Variants in CCDC57 observed in about 807,000 individuals in gnomAD.
CCDC57 encodes the protein coiled-coil domain containing 57.
Under a neutral mutation model 118.9 loss-of-function variants are expected in CCDC57, and 118 were observed. That is an observed-to-expected ratio of 0.99 (90% confidence interval 0.86 to 1.16). The LOEUF is 1.16. Among genes scored for constraint, CCDC57 ranks in the 50% most tolerant of loss-of-function variants. The pLI, the probability that CCDC57 is intolerant of heterozygous loss-of-function variation, is 0.00. For synonymous variants in CCDC57, 527 were observed against 532.9 expected (o/e 0.99, Z 0.15); for missense variants, 1,300 against 1,320.7 (o/e 0.98, Z 0.24).
chr17:82,172,740 C>T lies in CCDC57; in HGVS notation c.1627G>A (p.Glu543Lys). 1 of 1,606,106 alleles carries T rather than the reference C, an allele frequency of 6.2e-7. No individual in the cohort carries two copies. The highest frequency in any genetic ancestry group is 8.5e-7 in the Non-Finnish European group (1 of 1,176,448). Residue 543 changes from glutamate (E) to lysine (K), a missense_variant, in exon 12 of 20, where the codon GAG becomes AAG. Coordinates refer to ENST00000665763, the Ensembl canonical transcript of CCDC57. The surrounding 1 kb of genome is among the most constrained non-coding windows in gnomAD (Gnocchi z 5.2). ...GGAGGAATCTGATGGCTTAGAGCCTCCATTTCTTTCCTCATCTGGGCAATC... is the reference window on the plus strand; with the variant it reads ...GGAGGAATCTGATGGCTTAGAGCCTTCATTTCTTTCCTCATCTGGGCAATC...
At chr17:82,102,552 G>T (rs80293025) in intron 19 of CCDC57, among the ~76,000 whole-genome samples, 3,300 of 151,980 alleles carry the variant, frequency 0.022, 125 homozygotes, top group African/African-American at 0.074. Context: ...GAATGTGGGG[G>T]TTTTTTTTGG....
At chr17:82,117,241 A>G (rs952574274) in intron 19 of CCDC57, among the ~76,000 whole-genome samples, 1 of 151,732 alleles carries the variant, frequency 6.6e-6, no homozygotes, top group African/African-American at 2.4e-5. Flanking sequence ...AACCCCAACT[A>G]CTCCAGGGGC....
intron 1 of CCDC57, among the ~76,000 whole-genome samples, chr17:82,210,961 T>C (rs1388914817): frequency 7.9e-6 from 1 of 126,612 alleles, no homozygotes; most frequent in Non-Finnish European, 1.6e-5. Flanking sequence ...GCCACTGAAC[T>C]CCAGCCTGGG....
chr17:82,183,855 C>T (rs761347172), exon 9 of CCDC57: 2 of 1,613,046 alleles, frequency 1.2e-6, no homozygotes, highest in South Asian at 2.2e-5. Context: ...CTGAAGGTCT[C>T]TGGAGACCAT....
chr17:82,128,443 G>A, intron 18 of CCDC57, 50 bp downstream of exon 17: 1 of 1,359,504 alleles, frequency 7.4e-7, no homozygotes, highest in African/African-American at 1.5e-5. Flanking sequence ...CGGCTTCCCT[G>A]CTGGCCACAC....
chr17:82,198,091 GA>G (rs1460059227), intron 4 of CCDC57, among the ~76,000 whole-genome samples: 1 of 152,158 alleles, frequency 6.6e-6, no homozygotes, highest in Non-Finnish European at 1.5e-5. Context: ...CATGAGGAAA[GA>G]AAACAAGGAA....
chr17:82,112,183 A>C (rs900916141), intron 19 of CCDC57: 1 of 152,262 alleles, frequency 6.6e-6, no homozygotes, highest in African/African-American at 2.4e-5. Flanking sequence ...CAAGTTGACC[A>C]GGCTGGTTGT....
chr17:82,140,324 G>A (rs867753854), intron 16 of CCDC57, among the ~76,000 whole-genome samples: 2 of 152,278 alleles, frequency 1.3e-5, no homozygotes, highest in Middle Eastern at 3.4e-3. Flanking sequence ...CTGACCTCAT[G>A]ATCTGCCTGC....
At chr17:82,109,051 C>T (rs2035064982) in intron 19 of CCDC57, 1 of 152,232 alleles carries the variant, frequency 6.6e-6, no homozygotes, top group African/African-American at 2.4e-5. Context: ...CATAAACCTC[C>T]AAATACCTAC....
At chr17:82,189,638 T>C (rs1274007708) in intron 7 of CCDC57, among the ~76,000 whole-genome samples, 2 of 151,980 alleles carry the variant, frequency 1.3e-5, no homozygotes, top group Admixed American at 1.3e-4. Context: ...TCGCTTGAGG[T>C]CAGGAGTTCG....
chr17:82,113,411 A>G, intron 19 of CCDC57: 1 of 717,706 alleles, frequency 1.4e-6, no homozygotes, highest in Non-Finnish European at 2.6e-6. Flanking sequence ...CAATGGGACT[A>G]GAACGACAGG....
intron 4 of CCDC57, among the ~76,000 whole-genome samples, chr17:82,197,778 G>A (rs2048493270): frequency 6.6e-6 from 1 of 152,156 alleles, no homozygotes; most frequent in Non-Finnish European, 1.5e-5. Context: ...CGAAATGCAA[G>A]GAAGGGTGAA....
intron 19 of CCDC57, among the ~76,000 whole-genome samples, chr17:82,120,391 G>A (rs765156181): frequency 7.2e-5 from 11 of 152,160 alleles, no homozygotes; most frequent in Admixed American, 1.3e-4. Context: ...CTTCCTCTCC[G>A]TTTCTAGAAT....
chr17:82,151,276 CCCAGA>C (rs1457815391), intron 16 of CCDC57, among the ~76,000 whole-genome samples: 447 of 148,732 alleles, frequency 3.0e-3, no homozygotes, highest in Middle Eastern at 3.5e-3. Context: ...CTGACCCGCA[CCCAGA>C]ACCAGGCGCA....
intron 16 of CCDC57, among the ~76,000 whole-genome samples, chr17:82,150,244 C>A (rs75405766): frequency 0.031 from 1,570 of 50,302 alleles, 4 homozygotes; most frequent in East Asian, 0.21. Flanking sequence ...CAGAACCAGG[C>A]GCACACTCAG....
rs1419431850 is a variant in CCDC57, at chr17:82,184,023, GCGCGCGCGCACA to G, written c.1053-103_1053-92del. ...CCCCCCAGCAAATACACATGCGCGC[GCGCGCGCGCACA>G]CACACACACACACACACACACACAC... On this transcript the variant is annotated intron_variant, in intron 8 of 19. Transcript: ENST00000665763. 379 of 383,638 alleles carry G rather than the reference GCGCGCGCGCACA, an allele frequency of 9.9e-4. 1 individual carries two copies. The highest frequency in any genetic ancestry group is 8.3e-3 in the Admixed American group (164 of 19,732). The allele number at this position is 383,638 out of a possible 1,614,324, so 23.8% of individuals were successfully genotyped here. A position where few individuals can be genotyped will look rare whatever the true frequency, so the allele number is the denominator to read the frequency against.
intron 4 of CCDC57, 53 bp from the exon 4 acceptor site, chr17:82,195,417 C>T (rs1293601573): frequency 1.4e-6 from 2 of 1,412,030 alleles, no homozygotes; most frequent in Non-Finnish European, 2.0e-6. Flanking sequence ...AGCAAAGACC[C>T]CCACCCACGT....
At chr17:82,119,451 C>A (rs1394427186) in intron 19 of CCDC57, among the ~76,000 whole-genome samples, 1 of 151,730 alleles carries the variant, frequency 6.6e-6, no homozygotes, top group East Asian at 2.0e-4. Flanking sequence ...CCCCTGTGCA[C>A]CTACGGGTAC....
chr17:82,160,823 G>A (rs147058067), intron 14 of CCDC57, among the ~76,000 whole-genome samples: 2,097 of 141,686 alleles, frequency 0.015, 30 homozygotes, highest in Non-Finnish European at 0.023. Flanking sequence ...GCAGTCAGCC[G>A]AGATCACGCC....
Sources: gnomAD v4.1 joint callset for allele counts (sites outside exome capture counted in the v4.1 genomes callset) on GRCh38, gnomAD v4.1.1 for gene constraint, Gnocchi (gnomAD v3.1) non-coding constraint, MANE v1.5 for transcripts, NCBI Gene and HGNC (gene_info 2026-07-23, HGNC 2026-07-21) for gene names.